MOCS3: variants seen among roughly 807,000 people sequenced by gnomAD.
MOCS3 encodes adenylyltransferase and sulfurtransferase MOCS3.
MOCS3 carries 9 observed loss-of-function variants against 8.4 expected under a neutral mutation model. That is an observed-to-expected ratio of 1.07 (90% CI 0.65 to 1.87). MOCS3 has a LOEUF of 1.87. MOCS3 is among the 40% of genes most tolerant of loss of function. The pLI is 0.00. For missense variants in MOCS3, 581 were observed against 599.7 expected (o/e 0.97, Z 0.33); for synonymous variants, 294 against 272.0 (o/e 1.08, Z -0.80).
chr20:50,959,331 A>G lies in MOCS3; in HGVS notation c.489A>G (p.Pro163=), dbSNP rs1447175053. 3 of 1,610,136 alleles carry G rather than the reference A, an allele frequency of 1.9e-6. No individual in the cohort carries two copies. Among genetic ancestry groups the G allele is most frequent in the Non-Finnish European group, 2.5e-6 (3 of 1,178,386 alleles). Residue 163 remains proline (P), a synonymous_variant, in exon 1 of 1, where the codon CCA becomes CCG. Coordinates refer to ENST00000244051, the MANE Select transcript of MOCS3 (RefSeq NM_014484.5). ...ECVPYTQALT[P]ATALDLVRRY... The stretch of plus-strand genomic sequence containing the variant: ...TGCCGTACACTCAGGCCCTTACGCC[A>G]GCCACTGCCCTAGACCTGGTCCGCC...
Position 50,958,945 on chromosome 20 carries a change from G to A in MOCS3, c.103G>A (p.Glu35Lys). ...KQKLASALLA[E>K]QEPQPERLVP... Reference sequence around the variant, plus strand: ...GAAGCTGGCGTCGGCTCTTTTGGCTGAGCAGGAACCGCAGCCAGAACGGCT... The same window carrying A: ...GAAGCTGGCGTCGGCTCTTTTGGCTAAGCAGGAACCGCAGCCAGAACGGCT... The change falls in exon 1 of 1, where the codon GAG (glutamate) becomes AAG (lysine). Residue 35 changes from glutamate to lysine, a missense_variant. By Grantham distance (56) the Glu-to-Lys change is moderately conservative. Transcript: ENST00000244051. The A allele has an allele frequency of 2.5e-6, 4 of 1,610,992 alleles. No homozygotes were observed. Among genetic ancestry groups the A allele is most frequent in the Non-Finnish European group, 3.4e-6 (4 of 1,178,090 alleles).
chr20:50,959,036 G>C lies in MOCS3; in HGVS notation c.194G>C (p.Arg65Pro). ...CGAGATGAGATTCTGCGCTATAGCCGGCAGCTAGTGCTGCCCGAGCTGGGC... is the reference window on the plus strand; with the variant it reads ...CGAGATGAGATTCTGCGCTATAGCCCGCAGCTAGTGCTGCCCGAGCTGGGC... The part of the protein sequence containing the change: ...LSRDEILRYS[R>P]QLVLPELGVH... The change falls in exon 1 of 1, where the codon CGG becomes CCG. Residue 65 changes from arginine (R) to proline (P), a missense_variant. Physicochemically the swap from Arg to Pro is moderately radical, Grantham distance 103. Transcript: ENST00000244051. 6.2e-7 allele frequency: 1 copy of C among 1,612,482 alleles called. No homozygotes were observed. The highest frequency in any genetic ancestry group is 8.5e-7 in the Non-Finnish European group (1 of 1,179,468).
Position 50,963,875 on chromosome 20 carries a change from C to T in MOCS3, c.*3650C>T, listed in dbSNP as rs1477049366. 1 of 152,236 alleles carries T rather than the reference C, an allele frequency of 6.6e-6. No homozygotes were observed. Among genetic ancestry groups the T allele is most frequent in the Non-Finnish European group, 1.5e-5 (1 of 68,040 alleles). 9.4% of individuals were successfully genotyped at this position (152,236 alleles called of 1,614,324 possible). The stretch of plus-strand genomic sequence containing the variant: ...GCCCTGTCAGGGCATAGAAAGCAAT[C>T]TATGTCCTGACAATCACGGAAGTGT... On this transcript the variant is annotated 3_prime_UTR_variant, in exon 1 of 1. Transcript: ENST00000244051.
At position 50,958,910 on chromosome 20, in the gene MOCS3, C is replaced by A. The variant is rs538648289; in HGVS notation, c.68C>A (p.Ser23Ter). Residue 23 changes from serine (S) to a stop codon, truncating the protein, a stop_gained, in exon 1 of 1, where the codon TCG becomes TAG. Coordinates refer to ENST00000244051, the MANE Select transcript of MOCS3 (RefSeq NM_014484.5). LOFTEE classifies it low-confidence loss of function (END_TRUNC). The part of the protein sequence containing the change: ...EVAQREEELN[S>*]LKQKLASALL... Reference sequence around the variant, plus strand: ...GCCCAACGTGAGGAGGAATTGAATTCGCTGAAGCAGAAGCTGGCGTCGGCT... The same window carrying A: ...GCCCAACGTGAGGAGGAATTGAATTAGCTGAAGCAGAAGCTGGCGTCGGCT... 1 of 1,608,064 alleles carries A rather than the reference C, an allele frequency of 6.2e-7. No homozygotes were observed. The highest frequency in any genetic ancestry group is 1.1e-5 in the South Asian group (1 of 90,996).
chr20:50,960,189 G>A lies in MOCS3; in HGVS notation c.1347G>A (p.Trp449Ter), dbSNP rs780515305. Residue 449 changes from tryptophan (W) to a stop codon, truncating the protein, a stop_gained, in exon 1 of 1, where the codon TGG becomes TGA. Coordinates refer to ENST00000244051, the MANE Select transcript of MOCS3 (RefSeq NM_014484.5). LOFTEE classifies it high-confidence loss of function. ...VRDVVGGLMA[W>*]AAKIDGTFPQ... is the part of the protein sequence containing the mutation. ...ATGTTGTGGGGGGCCTCATGGCCTG[G>A]GCTGCCAAAATCGATGGAACATTTC... The A allele has an allele frequency of 1.1e-5, 18 of 1,613,768 alleles. No individual in the cohort carries two copies. Among genetic ancestry groups the A allele is most frequent in the Admixed American group, 1.7e-5 (1 of 59,980 alleles).
At position 50,961,456 on chromosome 20, in the gene MOCS3, G is replaced by C. The variant is rs549979750; in HGVS notation, c.*1231G>C. ...CTAATGGCTTGTCAGAAGGGGGCCTGTGACCTCCTGCTTGCTGCATGCAGG... is the reference window on the plus strand; with the variant it reads ...CTAATGGCTTGTCAGAAGGGGGCCTCTGACCTCCTGCTTGCTGCATGCAGG... On this transcript the variant is annotated 3_prime_UTR_variant, in exon 1 of 1. Transcript: ENST00000244051. 6.5e-6 allele frequency: 1 copy of C among 152,708 alleles called. No individual in the cohort carries two copies. The highest frequency in any genetic ancestry group is 2.4e-5 in the African/African-American group (1 of 41,568). The allele number at this position is 152,708 out of a possible 1,614,324, so 9.5% of individuals were successfully genotyped here.
rs1987076454 is a variant in MOCS3 at position 50,960,366 on chromosome 20, GT to G, written c.*145del. ...ATACGTGGACTCCTTTTTATAAGGAGTTTTAAAAATTGTTATGTATTGGATG... is the reference window on the plus strand; with the variant it reads ...ATACGTGGACTCCTTTTTATAAGGAGTTTAAAAATTGTTATGTATTGGATG... On this transcript the variant is annotated 3_prime_UTR_variant, in exon 1 of 1. Transcript: ENST00000244051. 3 of 862,858 alleles carry G rather than the reference GT, an allele frequency of 3.5e-6. No individual in the cohort carries two copies. The highest frequency in any genetic ancestry group is 1.7e-5 in the African/African-American group (1 of 58,444). The allele number at this position is 862,858 out of a possible 1,614,324, so 53.5% of individuals were successfully genotyped here.
Position 50,958,840 on chromosome 20 carries a change from GC to G in MOCS3, c.-1del, listed in dbSNP as rs1568778196. 11 of 1,583,526 alleles carry G rather than the reference GC, an allele frequency of 6.9e-6. No individual in the cohort carries two copies. Among genetic ancestry groups the G allele is most frequent in the Non-Finnish European group, 9.5e-6 (11 of 1,159,538 alleles). ...TTCACGACAACTTCCGGAAGAGGTC[GC>G]CATGGCTTCCCGGGAGGAGGTACTC... On this transcript the variant is annotated 5_prime_UTR_variant, in exon 1 of 1. Transcript: ENST00000244051.
rs1987105292 is a variant in MOCS3 at position 50,961,632 on chromosome 20, A to C, written c.*1407A>C. On this transcript the variant is annotated 3_prime_UTR_variant, in exon 1 of 1. Transcript: ENST00000244051. ...AACCCTTTGTAGACCAGATTTACTT[A>C]CCAGTTTGCAATTTGTGATATAGAA... 6.6e-6 allele frequency: 1 copy of C among 152,228 alleles called. No individual in the cohort carries two copies. The highest frequency in any genetic ancestry group is 2.4e-5 in the African/African-American group (1 of 41,464). The allele number at this position is 152,228 out of a possible 1,614,324, so 9.4% of individuals were successfully genotyped here. A position where few individuals can be genotyped will look rare whatever the true frequency, so the allele number is the denominator to read the frequency against.
rs369053297 is a variant in MOCS3 at position 50,961,240 on chromosome 20, C to G, written c.*1015C>G. The G allele has an allele frequency of 6.0e-6, 1 of 167,202 alleles. No individual in the cohort carries two copies. Among genetic ancestry groups the G allele is most frequent in the South Asian group, 2.1e-4 (1 of 4,822 alleles). 10.4% of individuals were successfully genotyped at this position (167,202 alleles called of 1,614,324 possible). ...AAAGTCCCAACCCTTTGCCTCTCCC[C>G]CTTTAATTTGCCTTTTCTCTTTTGA... On this transcript the variant is annotated 3_prime_UTR_variant, in exon 1 of 1. Transcript: ENST00000244051.
Position 50,961,201 on chromosome 20 carries a change from G to C in MOCS3, c.*976G>C, listed in dbSNP as rs1285539748. ...TGCATACTATGGTTTGACTTGCTTT[G>C]GAATTTTCAAGTCAAAGTCCCAACC... On this transcript the variant is annotated 3_prime_UTR_variant, in exon 1 of 1. Transcript: ENST00000244051. 6.0e-6 allele frequency: 1 copy of C among 166,988 alleles called. No homozygotes were observed. The highest frequency in any genetic ancestry group is 1.5e-5 in the Non-Finnish European group (1 of 68,080). The allele number at this position is 166,988 out of a possible 1,614,324, so 10.3% of individuals were successfully genotyped here.
In MOCS3 at chr20:50,959,036, G is replaced by A. The variant is rs1238326337; in HGVS notation, c.194G>A (p.Arg65Gln). ...CGAGATGAGATTCTGCGCTATAGCCGGCAGCTAGTGCTGCCCGAGCTGGGC... is the reference window on the plus strand; with the variant it reads ...CGAGATGAGATTCTGCGCTATAGCCAGCAGCTAGTGCTGCCCGAGCTGGGC... ...LSRDEILRYS[R>Q]QLVLPELGVH... The change falls in exon 1 of 1, where the codon CGG becomes CAG. Residue 65 changes from arginine (R) to glutamine (Q), a missense_variant. Transcript: ENST00000244051. 2 of 1,612,364 alleles carry A rather than the reference G, an allele frequency of 1.2e-6. No individual in the cohort carries two copies. Among genetic ancestry groups the A allele is most frequent in the African/African-American group, 1.3e-5 (1 of 74,906 alleles).
Position 50,960,055 on chromosome 20 carries a change from G to A in MOCS3, c.1213G>A (p.Ala405Thr), listed in dbSNP as rs780328461. 1.3e-5 allele frequency: 21 copies of A among 1,614,172 alleles called. No homozygotes were observed. The highest frequency in any genetic ancestry group is 1.6e-4 in the Middle Eastern group (1 of 6,084). ...GAAGCAGGGCACACAAGAAGGGGCT[G>A]CTGTCCCCATTTATGTGATTTGCAA... is the stretch of plus-strand genomic sequence containing the variant. The part of the protein sequence containing the change: ...EEKQGTQEGA[A>T]VPIYVICKLG... The change falls in exon 1 of 1, where the codon GCT becomes ACT. Residue 405 changes from alanine (A) to threonine (T), a missense_variant. Coordinates refer to ENST00000244051, the MANE Select transcript of MOCS3 (RefSeq NM_014484.5).
chr20:50,959,104 G>A lies in MOCS3; in HGVS notation c.262G>A (p.Val88Met), dbSNP rs760117703. 6.2e-7 allele frequency: 1 copy of A among 1,613,102 alleles called. No individual in the cohort carries two copies. The highest frequency in any genetic ancestry group is 8.5e-7 in the Non-Finnish European group (1 of 1,179,906). Residue 88 changes from valine (V) to methionine (M), a missense_variant, in exon 1 of 1, where the codon GTG becomes ATG. Physicochemically the swap from Val to Met is conservative, Grantham distance 21 (BLOSUM62 1). Coordinates refer to ENST00000244051, the MANE Select transcript of MOCS3 (RefSeq NM_014484.5). ...LRLGTACVLI[V>M]GCGGLGCPLA... ...CCTGGGGACCGCGTGCGTGCTAATCGTGGGCTGCGGTGGGCTCGGCTGTCC... is the reference window on the plus strand; with the variant it reads ...CCTGGGGACCGCGTGCGTGCTAATCATGGGCTGCGGTGGGCTCGGCTGTCC...
In MOCS3 at chr20:50,959,348, T is replaced by C; in HGVS notation, c.506T>C (p.Leu169Pro). The C allele has an allele frequency of 6.2e-7, 1 of 1,610,832 alleles. No individual in the cohort carries two copies. The highest frequency in any genetic ancestry group is 2.2e-5 in the East Asian group (1 of 44,822). ...QALTPATALD[L>P]VRRYDVVADC... ...CTTACGCCAGCCACTGCCCTAGACC[T>C]GGTCCGCCGATATGATGTGGTGGCT... Residue 169 changes from leucine (L) to proline (P), a missense_variant, in exon 1 of 1, where the codon CTG becomes CCG. Leu to Pro is a moderately conservative substitution (Grantham distance 98). Coordinates refer to ENST00000244051, the MANE Select transcript of MOCS3 (RefSeq NM_014484.5).
Position 50,959,196 on chromosome 20 carries a change from G to T in MOCS3, c.354G>T (p.Glu118Asp). 6.2e-7 allele frequency: 1 copy of T among 1,612,336 alleles called. No homozygotes were observed. Among genetic ancestry groups the T allele is most frequent in the Middle Eastern group, 1.7e-4 (1 of 6,044 alleles). Residue 118 changes from glutamate to aspartate, a missense_variant, in exon 1 of 1, where the codon GAG becomes GAT. Glu to Asp is a conservative substitution (Grantham distance 45, BLOSUM62 2). Coordinates refer to ENST00000244051, the MANE Select transcript of MOCS3 (RefSeq NM_014484.5). The part of the protein sequence containing the change: ...RLGLVDYDVV[E>D]MSNLARQVLH... The stretch of plus-strand genomic sequence containing the variant: ...GCCTTGTGGACTATGACGTGGTAGA[G>T]ATGAGCAACCTGGCCCGCCAAGTGC...
chr20:50,961,962 CT>C lies in MOCS3; in HGVS notation c.*1738del, dbSNP rs1290051339. The C allele has an allele frequency of 2.0e-5, 3 of 152,186 alleles. No homozygotes were observed. Among genetic ancestry groups the C allele is most frequent in the Non-Finnish European group, 4.4e-5 (3 of 68,046 alleles). The allele number at this position is 152,186 out of a possible 1,614,324, so 9.4% of individuals were successfully genotyped here. A position where few individuals can be genotyped will look rare whatever the true frequency, so the allele number is the denominator to read the frequency against. Reference sequence around the variant, plus strand: ...CGACACACAGGAACAATTTCATATTCTAAAGACTGAAGTCCTAAAGTTATAG... The same window carrying C: ...CGACACACAGGAACAATTTCATATTCAAAGACTGAAGTCCTAAAGTTATAG... On this transcript the variant is annotated 3_prime_UTR_variant, in exon 1 of 1. Coordinates refer to ENST00000244051, the MANE Select transcript of MOCS3 (RefSeq NM_014484.5).
Position 50,958,873 on chromosome 20 carries a change from C to T in MOCS3, c.31C>T (p.Gln11Ter), listed in dbSNP as rs1219412078. 1 of 1,598,038 alleles carries T rather than the reference C, an allele frequency of 6.3e-7. No homozygotes were observed. The highest frequency in any genetic ancestry group is 8.6e-7 in the Non-Finnish European group (1 of 1,167,980). MASREEVLALQAEVAQREEEL... is the reference protein window; with the variant it reads MASREEVLAL ...TTCCCGGGAGGAGGTACTCGCCTTA[C>T]AAGCTGAAGTTGCCCAACGTGAGGA... is the stretch of plus-strand genomic sequence containing the variant. Residue 11 changes from glutamine to a stop codon, truncating the protein, a stop_gained, in exon 1 of 1, where the codon CAA (glutamine) becomes TAA (stop). Coordinates refer to ENST00000244051, the MANE Select transcript of MOCS3 (RefSeq NM_014484.5). LOFTEE classifies it low-confidence loss of function (END_TRUNC).
rs1213320502 is a variant in MOCS3, at chr20:50,961,376, A to C, written c.*1151A>C. On this transcript the variant is annotated 3_prime_UTR_variant, in exon 1 of 1. Transcript: ENST00000244051. ...AGTCTCACCAACTTCCAATATATAC[A>C]ACAACATTATAAGTAAAAATTTGAT... 6.3e-6 allele frequency: 1 copy of C among 158,708 alleles called. No individual in the cohort carries two copies. The highest frequency in any genetic ancestry group is 2.4e-5 in the African/African-American group (1 of 41,432). 9.8% of individuals were successfully genotyped at this position (158,708 alleles called of 1,614,324 possible).
Sources: allele counts gnomAD v4.1 joint callset, GRCh38; gene constraint gnomAD v4.1.1; transcripts MANE v1.5; gene names NCBI Gene and HGNC (gene_info 2026-07-23, HGNC 2026-07-21).